The following RMND5A variants were observed in gnomAD, a reference collection of about 807,000 sequenced individuals.
RMND5A encodes E3 ubiquitin-protein transferase RMND5A.
A neutral mutation model predicts 49.7 loss-of-function variants in RMND5A; 17 were observed. The ratio of observed to expected loss-of-function variants is 0.34; its 90% CI spans 0.23 to 0.51. The LOEUF (loss-of-function observed/expected upper bound fraction) is 0.51, where lower values mean the gene tolerates loss of function less well. RMND5A is among the 20% of genes least tolerant of loss of function. RMND5A has a pLI of 0.96. For missense variants in RMND5A, 255 were observed against 471.3 expected (o/e 0.54, Z 4.25); for synonymous variants, 156 against 167.7 (o/e 0.93, Z 0.54).
At position 86,770,000 on chromosome 2, in the gene RMND5A, C is replaced by T. The variant is rs769351212; in HGVS notation, c.855-23C>T. 43 of 1,587,992 alleles carry T rather than the reference C, an allele frequency of 2.7e-5. No homozygotes were observed. The East Asian group carries it at 3.6e-4, about 13-fold the overall frequency. On this transcript the variant is annotated intron_variant, in intron 6 of 8. Coordinates refer to ENST00000283632, the MANE Select transcript of RMND5A (RefSeq NM_022780.4). ...GGCCTGACCCCTGGCCTGGCACTGACGTTTCCTCTTCTGCTCTCCCAGTTT... is the reference window on the plus strand; with the variant it reads ...GGCCTGACCCCTGGCCTGGCACTGATGTTTCCTCTTCTGCTCTCCCAGTTT...
chr2:86,756,446 A>G (rs1045986074), intron 4 of RMND5A, among the ~76,000 whole-genome samples: 1 of 152,206 alleles, frequency 6.6e-6, no homozygotes, highest in African/African-American at 2.4e-5. Context: ...AAACTCATTT[A>G]ACTTGGTATA....
intron 3 of RMND5A, among the ~76,000 whole-genome samples, chr2:86,752,361 G>A (rs1159690950): frequency 6.6e-6 from 1 of 152,164 alleles, no homozygotes; most frequent in Non-Finnish European, 1.5e-5. Context: ...CAGACAAGAG[G>A]AAAGGGACAA....
chr2:86,752,225 A>G (rs1485264500), intron 3 of RMND5A, among the ~76,000 whole-genome samples, 195 bp downstream of exon 3: 1 of 152,198 alleles, frequency 6.6e-6, no homozygotes, highest in Non-Finnish European at 1.5e-5. Context: ...ATAGTTCTAG[A>G]ACTTGTTATC....
At chr2:86,746,156 C>T (rs999812665) in intron 2 of RMND5A, among the ~76,000 whole-genome samples, 25 of 152,240 alleles carry the variant, frequency 1.6e-4, no homozygotes, top group African/African-American at 6.0e-4. Flanking sequence ...ATGTGATAAA[C>T]AAGGTCTGTG....
At chr2:86,769,734 GTTTATTTAGAAAATTTAGAGT>G (rs1344994650) in intron 6 of RMND5A, among the ~76,000 whole-genome samples, 3 of 151,866 alleles carry the variant, frequency 2.0e-5, no homozygotes, top group African/African-American at 7.3e-5. Context: ...TATTGGTGAG[GTTTATTTAGAAAATTTAGAGT>G]TTTATTTTTT....
intron 2 of RMND5A, among the ~76,000 whole-genome samples, chr2:86,744,965 G>A (rs1042162094): frequency 2.6e-5 from 4 of 151,056 alleles, no homozygotes; most frequent in Non-Finnish European, 5.9e-5. Flanking sequence ...CACTGTGCCT[G>A]GCCCATTATT....
At position 86,749,234 on chromosome 2, in the gene RMND5A, T is replaced by C. The variant is rs140843215; in HGVS notation, c.286-2662T>C. Among the ~76,000 whole-genome samples, 177 of 152,300 alleles carry C rather than the reference T, an allele frequency of 1.2e-3. 2 individuals are homozygous for C. Among genetic ancestry groups the C allele is most frequent in the African/African-American group, 4.0e-3 (168 of 41,566 alleles). The stretch of plus-strand genomic sequence containing the variant: ...TTTACTTAAAAATACTGATGAACTG[T>C]TATAAAATTAGCTCTCAACAGGCAG... On this transcript the variant is annotated intron_variant, in intron 2 of 8. Coordinates refer to ENST00000283632, the MANE Select transcript of RMND5A (RefSeq NM_022780.4).
At chr2:86,746,657 C>T (rs955327508) in intron 2 of RMND5A, among the ~76,000 whole-genome samples, 5 of 152,194 alleles carry the variant, frequency 3.3e-5, no homozygotes, top group Non-Finnish European at 5.9e-5. Context: ...GCCCTGAGGG[C>T]ACCCACTCTA....
At chr2:86,755,371 G>A (rs945414384) in intron 4 of RMND5A, among the ~76,000 whole-genome samples, 6 of 152,222 alleles carry the variant, frequency 3.9e-5, no homozygotes, top group Non-Finnish European at 5.9e-5. Context: ...CTCCTGGAGC[G>A]TCAGCTGCCC....
At chr2:86,771,951 T>C (rs1672691859) in intron 8 of RMND5A, among the ~76,000 whole-genome samples, 1 of 152,204 alleles carries the variant, frequency 6.6e-6, no homozygotes, top group Non-Finnish European at 1.5e-5. Flanking sequence ...GGTGATAGAT[T>C]TTCCCCTTTT....
intron 4 of RMND5A, among the ~76,000 whole-genome samples, chr2:86,755,521 T>C (rs192133916): frequency 1.1e-4 from 16 of 152,350 alleles, no homozygotes; most frequent in African/African-American, 3.6e-4. Flanking sequence ...TATTCACTTA[T>C]CTATGCGTTT....
At chr2:86,769,947 G>T in intron 6 of RMND5A, 76 bp from the exon 7 acceptor site, 1 of 996,002 alleles carries the variant, frequency 1.0e-6, no homozygotes, top group Non-Finnish European at 1.6e-6. Flanking sequence ...ATAGAGTCTG[G>T]AGAAATTGAT....
chr2:86,770,832 G>A (rs1461236912), intron 7 of RMND5A, among the ~76,000 whole-genome samples: 4 of 152,216 alleles, frequency 2.6e-5, no homozygotes, highest in Admixed American at 2.6e-4. Flanking sequence ...GTGAAGTGGC[G>A]AAGGTCATTG....
At position 86,720,323 on chromosome 2, in the gene RMND5A, G is replaced by T. The variant is rs1251619993; in HGVS notation, c.-345G>T. 6.6e-6 allele frequency: 1 copy of T among 152,498 alleles called. No individual in the cohort carries two copies. The highest frequency in any genetic ancestry group is 2.4e-5 in the African/African-American group (1 of 41,336). The allele number at this position is 152,498 out of a possible 1,614,324, so 9.4% of individuals were successfully genotyped here. On this transcript the variant is annotated 5_prime_UTR_variant, in exon 1 of 9. Transcript: ENST00000283632. ...CAGTCGGCGGCGCTTGGTGCCGCCC[G>T]GGAGAACCAGGTCATCGGTCGGTTC...
intron 6 of RMND5A, among the ~76,000 whole-genome samples, chr2:86,766,825 C>T (rs1451185353): frequency 6.6e-6 from 1 of 152,052 alleles, no homozygotes; most frequent in African/African-American, 2.4e-5. Context: ...TCCATTTCTA[C>T]AGAAAACTTT....
chr2:86,767,425 C>CTTTTTTTTTTT (rs11468234), intron 6 of RMND5A, among the ~76,000 whole-genome samples: 1 of 139,522 alleles, frequency 7.2e-6, no homozygotes, highest in African/African-American at 2.7e-5. Flanking sequence ...TTTTGGCAGT[C>CTTTTTTTTTTT]TTTTTTTTTT....
chr2:86,765,258 A>G (rs1352761503), intron 5 of RMND5A, 65 bp downstream of exon 5: 13 of 1,362,710 alleles, frequency 9.5e-6, no homozygotes, highest in Non-Finnish European at 1.3e-5. Flanking sequence ...GTAACTTAAC[A>G]GTTCTTAACT....
Position 86,776,489 on chromosome 2 carries a change from T to C in RMND5A, c.*3078T>C, listed in dbSNP as rs1345704253. ...CACATTTTGTGGGAAATGAGGATCCTGATCCTCTTTTGTCCTCTCCAGGTA... is the reference window on the plus strand; with the variant it reads ...CACATTTTGTGGGAAATGAGGATCCCGATCCTCTTTTGTCCTCTCCAGGTA... On this transcript the variant is annotated 3_prime_UTR_variant, in exon 9 of 9. Coordinates refer to ENST00000283632, the MANE Select transcript of RMND5A (RefSeq NM_022780.4). 6.6e-6 allele frequency: 1 copy of C among 152,244 alleles called. No individual in the cohort carries two copies. The highest frequency in any genetic ancestry group is 2.4e-5 in the African/African-American group (1 of 41,470). The allele number at this position is 152,244 out of a possible 1,614,324, so 9.4% of individuals were successfully genotyped here. A position where few individuals can be genotyped will look rare whatever the true frequency, so the allele number is the denominator to read the frequency against.
chr2:86,721,778 A>G (rs1681230868), intron 1 of RMND5A, among the ~76,000 whole-genome samples: 1 of 150,200 alleles, frequency 6.7e-6, no homozygotes, highest in Non-Finnish European at 1.5e-5. Context: ...GGCTGAACAG[A>G]AATTTATGTG....
Sources: gnomAD v4.1 joint callset for allele counts (sites outside exome capture counted in the v4.1 genomes callset) on GRCh38, gnomAD v4.1.1 for gene constraint, MANE v1.5 for transcripts, NCBI Gene and HGNC (gene_info 2026-07-23, HGNC 2026-07-21) for gene names.